ADK: variants seen among roughly 807,000 people sequenced by gnomAD.
ADK encodes adenosine kinase, also known as N6,N6-dimethyladenosine kinase.
A neutral mutation model predicts 44.7 loss-of-function variants in ADK; 24 were observed. The observed-to-expected ratio is 0.54, with a 90% CI of 0.39 to 0.76. The LOEUF is 0.76. ADK is among the 30% of genes least tolerant of loss of function. The pLI is 0.00. For synonymous variants in ADK, 128 were observed against 142.6 expected (o/e 0.90, Z 0.73); for missense variants, 321 against 425.1 (o/e 0.76, Z 2.15).
At chr10:74,276,025 G>T (rs79492125) in intron 3 of ADK, among the ~76,000 whole-genome samples, 1 of 152,058 alleles carries the variant, frequency 6.6e-6, no homozygotes, top group Non-Finnish European at 1.5e-5. Context: ...TCTTTGCATC[G>T]TATAGTTTTT....
chr10:74,212,072 A>G (rs1267866480), intron 2 of ADK, among the ~76,000 whole-genome samples: 1 of 152,144 alleles, frequency 6.6e-6, no homozygotes, highest in Admixed American at 6.5e-5. Flanking sequence ...ATAAACTGCT[A>G]TTTGAATCTT....
chr10:74,189,052 A>C (rs1276765592), intron 1 of ADK, among the ~76,000 whole-genome samples: 1 of 150,574 alleles, frequency 6.6e-6, no homozygotes, highest in East Asian at 1.9e-4. Context: ...GCTCCCAGCC[A>C]CATTTCTTTC....
chr10:74,521,017 C>T (rs1015801644), intron 6 of ADK, among the ~76,000 whole-genome samples: 2 of 152,064 alleles, frequency 1.3e-5, no homozygotes, highest in Non-Finnish European at 2.9e-5. Flanking sequence ...AAACTATAGA[C>T]TTGATTTTGT....
intron 2 of ADK, among the ~76,000 whole-genome samples, chr10:74,217,149 T>A (rs1844073500): frequency 6.6e-6 from 1 of 152,070 alleles, no homozygotes; most frequent in South Asian, 2.1e-4. Flanking sequence ...ACCTGGAAAA[T>A]CGGGTCATTC....
intron 9 of ADK, among the ~76,000 whole-genome samples, chr10:74,659,587 A>G (rs1373828411): frequency 6.6e-6 from 1 of 152,190 alleles, no homozygotes; most frequent in African/African-American, 2.4e-5. Context: ...AGAGGGATAG[A>G]ACTAATAGGA....
chr10:74,393,608 A>G (rs941442833), intron 4 of ADK, among the ~76,000 whole-genome samples: 1 of 152,222 alleles, frequency 6.6e-6, no homozygotes, highest in Non-Finnish European at 1.5e-5. Flanking sequence ...ATGCTCAGCA[A>G]TGCAAGTACA....
chr10:74,559,035 A>G (rs550681305), intron 7 of ADK, among the ~76,000 whole-genome samples: 2 of 152,362 alleles, frequency 1.3e-5, no homozygotes, highest in African/African-American at 4.8e-5. Flanking sequence ...CCTGAACCCA[A>G]TAGGATGTCA....
intron 6 of ADK, among the ~76,000 whole-genome samples, chr10:74,484,978 G>A (rs887012411): frequency 3.9e-5 from 6 of 151,922 alleles, no homozygotes; most frequent in African/African-American, 1.2e-4. Context: ...TGATCTCGGG[G>A]TGTGGAAAAA....
At chr10:74,317,561 A>AG (rs1213292057) in intron 4 of ADK, among the ~76,000 whole-genome samples, 1 of 78,430 alleles carries the variant, frequency 1.3e-5, no homozygotes, top group Non-Finnish European at 3.5e-5. Context: ...CCCTGTCTCT[A>AG]GGAAAAAAAA....
At chr10:74,525,462 GT>G in intron 7 of ADK, 36 bp downstream of exon 7, 1 of 1,558,368 alleles carries the variant, frequency 6.4e-7, no homozygotes. Context: ...GAACCTGGGG[GT>G]TTTTTGTTTG....
chr10:74,546,490 T>C (rs1217535556), intron 7 of ADK, among the ~76,000 whole-genome samples: 1 of 152,186 alleles, frequency 6.6e-6, no homozygotes, highest in Non-Finnish European at 1.5e-5. Context: ...AGAAAAATAC[T>C]CCACGATGTC....
intron 1 of ADK, among the ~76,000 whole-genome samples, chr10:74,153,866 G>A (rs1354256623): frequency 6.6e-6 from 1 of 152,174 alleles, no homozygotes; most frequent in Admixed American, 6.5e-5. Flanking sequence ...TCCAAGGCTT[G>A]TTGAGCACGT....
At chr10:74,614,530 G>C (rs1402773040) in intron 9 of ADK, among the ~76,000 whole-genome samples, 1 of 152,056 alleles carries the variant, frequency 6.6e-6, no homozygotes, top group Non-Finnish European at 1.5e-5. Context: ...CACTTAAGAA[G>C]CTTCTCCTTG....
chr10:74,630,613 C>G (rs925687391), intron 9 of ADK, among the ~76,000 whole-genome samples: 3 of 152,182 alleles, frequency 2.0e-5, no homozygotes, highest in Middle Eastern at 3.4e-3. Flanking sequence ...AGACGTGATA[C>G]TAATTAGCCT....
At chr10:74,605,965 T>C (rs528373810) in intron 9 of ADK, among the ~76,000 whole-genome samples, 4 of 152,338 alleles carry the variant, frequency 2.6e-5, no homozygotes, top group Non-Finnish European at 4.4e-5. Flanking sequence ...CCTGGTTTAG[T>C]CTTGGGAGGG....
chr10:74,702,573 T>TTCCTTCCTTC (rs1554900283), intron 10 of ADK, among the ~76,000 whole-genome samples: 50 of 142,422 alleles, frequency 3.5e-4, no homozygotes, highest in Middle Eastern at 3.6e-3. Context: ...CCTTCCTTCC[T>TTCCTTCCTTC]CTCTCTCTCT....
At chr10:74,344,749 C>T in intron 4 of ADK, 1 of 179,466 alleles carries the variant, frequency 5.6e-6, no homozygotes, top group South Asian at 1.3e-4. Context: ...TATTGTCAGT[C>T]CCAAGAAATT....
At chr10:74,292,753 A>G (rs1033206774) in intron 3 of ADK, among the ~76,000 whole-genome samples, 2 of 151,976 alleles carry the variant, frequency 1.3e-5, no homozygotes, top group African/African-American at 2.4e-5. Context: ...CTGAAATCTG[A>G]TCACTTATAC....
At chr10:74,702,714 T>G (rs1247097210) in intron 10 of ADK, among the ~76,000 whole-genome samples, 1 of 151,956 alleles carries the variant, frequency 6.6e-6, no homozygotes, top group Admixed American at 6.6e-5. Context: ...TTCTCCTGCC[T>G]CAGCCTCCCA....
Sources: gnomAD v4.1 joint callset for allele counts (sites outside exome capture counted in the v4.1 genomes callset) on GRCh38, gnomAD v4.1.1 for gene constraint, MANE v1.5 for transcripts, NCBI Gene and HGNC (gene_info 2026-07-23, HGNC 2026-07-21) for gene names.